AKR1C8: variants seen among roughly 807,000 people sequenced by gnomAD.
AKR1C8 encodes the protein aldo-keto reductase family 1 member C8, also known as aldo-keto reductase family 1 member C-like protein 1.
the AKR1C8 span, among the ~76,000 whole-genome samples, chr10:5,168,944 T>A: frequency 6.6e-6 from 1 of 152,032 alleles, no homozygotes; most frequent in Admixed American, 6.6e-5. Flanking sequence ...CAGATGAAAA[T>A]ACCTCAGCCT....
chr10:5,136,087 TA>T, the AKR1C8 span, among the ~76,000 whole-genome samples: 15 of 152,200 alleles, frequency 9.9e-5, no homozygotes, highest in Non-Finnish European at 1.8e-4. Context: ...CATAGTTTTA[TA>T]AGAAACTATC....
chr10:5,147,701 G>A, the AKR1C8 span, among the ~76,000 whole-genome samples: 1 of 152,132 alleles, frequency 6.6e-6, no homozygotes, highest in East Asian at 1.9e-4. Context: ...CAAGCATTTG[G>A]GCAGCCCTGT....
chr10:5,180,696 G>A, the AKR1C8 span, among the ~76,000 whole-genome samples: 4 of 152,206 alleles, frequency 2.6e-5, no homozygotes, highest in Middle Eastern at 3.2e-3. Flanking sequence ...AATGGCGGGT[G>A]CCCCTCCCCC....
At chr10:5,183,128 T>G in the AKR1C8 span, among the ~76,000 whole-genome samples, 1 of 152,300 alleles carries the variant, frequency 6.6e-6, no homozygotes, top group East Asian at 1.9e-4. Flanking sequence ...CATTTTAGAC[T>G]AACCCTACTT....
At chr10:5,130,680 TAAATA>T in the AKR1C8 span, among the ~76,000 whole-genome samples, 4 of 151,618 alleles carry the variant, frequency 2.6e-5, no homozygotes, top group Admixed American at 1.3e-4. Flanking sequence ...ACAACAGCTG[TAAATA>T]AAATAAAATA....
chr10:5,149,450 T>A, the AKR1C8 span, among the ~76,000 whole-genome samples: 1 of 152,174 alleles, frequency 6.6e-6, no homozygotes. Flanking sequence ...GACTCTCAGA[T>A]TAGACTTTTA....
At chr10:5,167,281 T>A in the AKR1C8 span, among the ~76,000 whole-genome samples, 1 of 152,190 alleles carries the variant, frequency 6.6e-6, no homozygotes, top group Non-Finnish European at 1.5e-5. Context: ...ATCCCATTAC[T>A]GGGTATATAC....
the AKR1C8 span, among the ~76,000 whole-genome samples, chr10:5,149,261 C>A: frequency 6.6e-6 from 1 of 152,036 alleles, no homozygotes; most frequent in African/African-American, 2.4e-5. Context: ...TCTTTTGAAA[C>A]ATACTTTTTC....
chr10:5,162,981 T>C, the AKR1C8 span: 27 of 534,462 alleles, frequency 5.1e-5, no homozygotes, highest in Non-Finnish European at 9.6e-5. Flanking sequence ...CCTACGTCAA[T>C]AGCCACTTTG....
the AKR1C8 span, among the ~76,000 whole-genome samples, chr10:5,184,002 G>A: frequency 1.3e-5 from 2 of 152,160 alleles, no homozygotes; most frequent in African/African-American, 2.4e-5. Context: ...AGTGGGCTCT[G>A]GTGGGCACTT....
At chr10:5,176,097 T>A in the AKR1C8 span, among the ~76,000 whole-genome samples, 2 of 152,112 alleles carry the variant, frequency 1.3e-5, no homozygotes, top group African/African-American at 4.8e-5. Context: ...CTTCTAGGGT[T>A]TTTATGGTTT....
chr10:5,126,525 T>TAC, the AKR1C8 span, among the ~76,000 whole-genome samples: 1 of 152,062 alleles, frequency 6.6e-6, no homozygotes, highest in Non-Finnish European at 1.5e-5. Context: ...CCACATTGGG[T>TAC]ACTTCATTTA....
At chr10:5,154,231 A>C in the AKR1C8 span, 1 of 468,498 alleles carries the variant, frequency 2.1e-6, no homozygotes, top group Non-Finnish European at 4.4e-6. Context: ...ATTCTGTCAA[A>C]GAGTTTTTCT....
At chr10:5,177,884 G>T in the AKR1C8 span, among the ~76,000 whole-genome samples, 1 of 151,838 alleles carries the variant, frequency 6.6e-6, no homozygotes, top group Non-Finnish European at 1.5e-5. Context: ...TTCTTTATTA[G>T]TCTGGCTAGT....
the AKR1C8 span, among the ~76,000 whole-genome samples, chr10:5,176,688 C>T: frequency 6.6e-5 from 10 of 152,020 alleles, no homozygotes; most frequent in Admixed American, 2.6e-4. Context: ...TGAAGAGGTC[C>T]TTCACATCCC....
chr10:5,170,629 A>G, the AKR1C8 span, among the ~76,000 whole-genome samples: 1 of 152,134 alleles, frequency 6.6e-6, no homozygotes, highest in African/African-American at 2.4e-5. Flanking sequence ...CTAGAAAGTG[A>G]CATTCTTTAC....
At chr10:5,119,451 T>C in the AKR1C8 span, among the ~76,000 whole-genome samples, 2 of 152,258 alleles carry the variant, frequency 1.3e-5, no homozygotes, top group East Asian at 3.9e-4. Flanking sequence ...AGCATAAATA[T>C]TTGCATAGGA....
chr10:5,145,894 T>G, the AKR1C8 span, among the ~76,000 whole-genome samples: 2 of 152,056 alleles, frequency 1.3e-5, no homozygotes, highest in South Asian at 2.1e-4. Context: ...AAGACACATG[T>G]GCACATATGT....
the AKR1C8 span, among the ~76,000 whole-genome samples, chr10:5,122,481 C>A: frequency 1.4e-4 from 21 of 152,160 alleles, no homozygotes; most frequent in Non-Finnish European, 2.9e-4. Context: ...AGTGTAGACA[C>A]AATACCTGCC....
Sources: gnomAD v4.1 joint callset for allele counts (sites outside exome capture counted in the v4.1 genomes callset) on GRCh38, gnomAD v4.1.1 for gene constraint, MANE v1.5 for transcripts, NCBI Gene and HGNC (gene_info 2026-07-23, HGNC 2026-07-21) for gene names.